Variants in KAZN observed in about 807,000 individuals in gnomAD.
KAZN encodes the protein kazrin.
KAZN carries 40 observed loss-of-function variants against 87.4 expected under a neutral mutation model. The observed-to-expected ratio is 0.46, with a 90% CI of 0.36 to 0.60. The LOEUF is 0.60. Among genes scored for constraint, KAZN ranks in the 20% least tolerant of loss-of-function variants. The pLI is 0.00. For synonymous variants in KAZN, 466 were observed against 458.3 expected, an observed-to-expected ratio of 1.02 and a Z score of -0.22; for missense variants, 898 against 1,073.9, an observed-to-expected ratio of 0.84 and a Z score of 2.29.
At chr1:14,169,056 G>A (rs536956242) in intron 1 of KAZN, among the ~76,000 whole-genome samples, 60 of 152,306 alleles carry the variant, frequency 3.9e-4, no homozygotes, top group African/African-American at 1.3e-3. Context: ...GGCATTTGTC[G>A]TAAGTAGTAG....
In KAZN at chr1:15,034,545, G is replaced by A. The variant is rs1049528923; in HGVS notation, c.419-204G>A. Among the ~76,000 whole-genome samples, 5 of 152,290 alleles carry A rather than the reference G, an allele frequency of 3.3e-5. No individual in the cohort carries two copies. In the East Asian group the frequency reaches 5.8e-4, roughly 18 times the overall value. On this transcript the variant is annotated intron_variant, in intron 2 of 14. Coordinates refer to ENST00000376030, the MANE Select transcript of KAZN (RefSeq NM_201628.3). ...TTGACACAGCTGAGAGGGGAGAATC[G>A]GGGCTCTCGACATAGGTGAGCCTGG...
chr1:14,069,114 G>A (rs1643138203), intron 1 of KAZN, among the ~76,000 whole-genome samples: 1 of 152,074 alleles, frequency 6.6e-6, no homozygotes, highest in African/African-American at 2.4e-5. Flanking sequence ...GAGTTATCAA[G>A]CAAGGTCTTC....
intron 2 of KAZN, among the ~76,000 whole-genome samples, chr1:14,569,276 A>G (rs1256042302): frequency 6.6e-6 from 1 of 151,178 alleles, no homozygotes; most frequent in African/African-American, 2.4e-5. Context: ...TTCCAAACTT[A>G]CTTAACCACA....
At chr1:14,267,272 G>T (rs908606865) in intron 2 of KAZN, among the ~76,000 whole-genome samples, 1 of 150,342 alleles carries the variant, frequency 6.7e-6, no homozygotes, top group Non-Finnish European at 1.5e-5. Flanking sequence ...TAAAGGAGGG[G>T]TGTCCAAACT....
chr1:14,805,829 G>A (rs549395312), intron 1 of KAZN, among the ~76,000 whole-genome samples: 2 of 151,684 alleles, frequency 1.3e-5, no homozygotes, highest in African/African-American at 2.4e-5. Flanking sequence ...CTAGATAGGT[G>A]GGAGCTGGAT....
At chr1:14,722,401 C>T (rs1396605373) in intron 1 of KAZN, among the ~76,000 whole-genome samples, 4 of 152,188 alleles carry the variant, frequency 2.6e-5, no homozygotes, top group Non-Finnish European at 5.9e-5. Context: ...AATATTCTAT[C>T]TAATTAACAT....
intron 1 of KAZN, among the ~76,000 whole-genome samples, chr1:14,141,250 AAAAC>A (rs1557509344): frequency 1.3e-5 from 2 of 151,062 alleles, no homozygotes; most frequent in Non-Finnish European, 2.9e-5. Context: ...AAAAAAAAAA[AAAAC>A]AAAACTAAAA....
chr1:14,575,502 C>T (rs1675125119), intron 2 of KAZN, among the ~76,000 whole-genome samples: 1 of 152,152 alleles, frequency 6.6e-6, no homozygotes, highest in South Asian at 2.1e-4. Flanking sequence ...TTATCTCCCA[C>T]CAGATCCCTC....
At chr1:14,615,659 C>T (rs546219593) in intron 1 of KAZN, among the ~76,000 whole-genome samples, 1 of 151,916 alleles carries the variant, frequency 6.6e-6, no homozygotes, top group South Asian at 2.1e-4. Context: ...GAGGGGACTT[C>T]TCACTTCCAT....
chr1:14,419,268 G>C (rs929307387), intron 2 of KAZN, among the ~76,000 whole-genome samples: 3 of 152,190 alleles, frequency 2.0e-5, no homozygotes, highest in African/African-American at 7.2e-5. Flanking sequence ...GAAATTCAGT[G>C]ACTTTCCCAA....
chr1:14,104,185 C>A (rs540313510), intron 1 of KAZN, among the ~76,000 whole-genome samples: 29 of 152,284 alleles, frequency 1.9e-4, no homozygotes, highest in African/African-American at 7.0e-4. Context: ...CTTGTGGCCT[C>A]ATTGCAGAGC....
chr1:14,383,638 T>C (rs140815453), intron 2 of KAZN, among the ~76,000 whole-genome samples: 6,239 of 152,128 alleles, frequency 0.041, 276 homozygotes, highest in East Asian at 0.2. Context: ...ATATGCGGCA[T>C]TATTTCTGAG....
At chr1:14,003,331 T>TAAAAA (rs1639886088) in intron 1 of KAZN, among the ~76,000 whole-genome samples, 1 of 134,850 alleles carries the variant, frequency 7.4e-6, no homozygotes. Flanking sequence ...TAAAGTAAAA[T>TAAAAA]TAAAAAAAAA....
intron 2 of KAZN, among the ~76,000 whole-genome samples, chr1:14,471,108 G>A (rs113333143): frequency 5.9e-5 from 9 of 152,256 alleles, no homozygotes; most frequent in African/African-American, 2.2e-4. Flanking sequence ...GAGAGACCCG[G>A]AGCCAGAACT....
At chr1:14,070,933 G>A (rs1178189477) in intron 1 of KAZN, among the ~76,000 whole-genome samples, 1 of 152,168 alleles carries the variant, frequency 6.6e-6, no homozygotes, top group Non-Finnish European at 1.5e-5. Flanking sequence ...AGGACAGAGA[G>A]GTTAAGAAAG....
chr1:14,195,422 T>C (rs1006664715), intron 2 of KAZN, among the ~76,000 whole-genome samples: 3 of 151,888 alleles, frequency 2.0e-5, no homozygotes, highest in Admixed American at 6.6e-5. Flanking sequence ...AGAGAGAATA[T>C]GGTAGAGGGG....
chr1:14,132,237 G>T (rs1036392823), intron 1 of KAZN, among the ~76,000 whole-genome samples: 1 of 152,096 alleles, frequency 6.6e-6, no homozygotes, highest in Non-Finnish European at 1.5e-5. Flanking sequence ...GGAGGCATTT[G>T]CTCCCTTCCA....
chr1:14,579,398 G>C (rs1273705550), intron 2 of KAZN, among the ~76,000 whole-genome samples: 1 of 152,048 alleles, frequency 6.6e-6, no homozygotes, highest in East Asian at 1.9e-4. Flanking sequence ...GGCCAAGGTG[G>C]GTGGATCATG....
intron 3 of KAZN, among the ~76,000 whole-genome samples, chr1:15,041,795 G>T (rs1360511472): frequency 6.6e-6 from 1 of 152,010 alleles, no homozygotes; most frequent in Non-Finnish European, 1.5e-5. Context: ...GACCTCTCAG[G>T]CGTCTCCTTT....
Sources: allele counts gnomAD v4.1 joint callset (sites outside exome capture counted in the v4.1 genomes callset), GRCh38; gene constraint gnomAD v4.1.1; transcripts MANE v1.5; gene names NCBI Gene and HGNC (gene_info 2026-07-23, HGNC 2026-07-21).